The following KDM2A variants were observed in gnomAD, a reference collection of about 807,000 sequenced individuals.
KDM2A encodes the protein lysine demethylase 2A.
Under a neutral mutation model 137.3 loss-of-function variants are expected in KDM2A, and 3 were observed. The observed-to-expected ratio is 0.02, with a 90% CI of 0.01 to 0.06. The LOEUF is 0.06. Ranked by LOEUF, KDM2A falls within the 10% of genes least tolerant of loss-of-function variation. The pLI is 1.00. For synonymous variants in KDM2A, 512 were observed against 541.5 expected, an observed-to-expected ratio of 0.95 and a Z score of 0.76; for missense variants, 738 against 1,510.6, an observed-to-expected ratio of 0.49 and a Z score of 8.48.
chr11:67,225,764 T>G (rs919085091), intron 10 of KDM2A, among the ~76,000 whole-genome samples: 3 of 150,100 alleles, frequency 2.0e-5, no homozygotes, highest in African/African-American at 4.9e-5. Context: ...CACAAAACTC[T>G]GTCTCTAAAT....
chr11:67,199,996 G>GC (rs1857577826), intron 5 of KDM2A, among the ~76,000 whole-genome samples: 1 of 152,114 alleles, frequency 6.6e-6, no homozygotes, highest in South Asian at 2.1e-4. Flanking sequence ...AAATCCTAGG[G>GC]CCCTTAAGAA....
intron 2 of KDM2A, among the ~76,000 whole-genome samples, chr11:67,144,022 A>G (rs1426067051): frequency 6.6e-6 from 1 of 150,604 alleles, no homozygotes; most frequent in Non-Finnish European, 1.5e-5. Context: ...GCTCACTGCA[A>G]CCTCCACCTC....
At chr11:67,175,891 CTT>C (rs1856965705) in intron 2 of KDM2A, among the ~76,000 whole-genome samples, 2 of 152,160 alleles carry the variant, frequency 1.3e-5, no homozygotes, top group Non-Finnish European at 2.9e-5. Context: ...TGGAACTCAT[CTT>C]TTCTAGTTCT....
chr11:67,241,992 A>G (rs1169090643), intron 12 of KDM2A, among the ~76,000 whole-genome samples: 2 of 152,108 alleles, frequency 1.3e-5, no homozygotes, highest in African/African-American at 4.8e-5. Flanking sequence ...TAGCTTGAAC[A>G]CGGGAGGCGA....
intron 2 of KDM2A, among the ~76,000 whole-genome samples, chr11:67,176,152 A>G (rs1856970220): frequency 6.6e-6 from 1 of 152,234 alleles, no homozygotes; most frequent in Admixed American, 6.5e-5. Flanking sequence ...TTTACTAAAT[A>G]TGGAAAAGAT....
At chr11:67,234,073 T>C (rs780141861) in intron 12 of KDM2A, among the ~76,000 whole-genome samples, 1 of 152,236 alleles carries the variant, frequency 6.6e-6, no homozygotes, top group East Asian at 1.9e-4. Context: ...ACAACAGATT[T>C]AGATTCCAGC....
chr11:67,128,402 G>C (rs1297329381), intron 2 of KDM2A, among the ~76,000 whole-genome samples: 1 of 151,536 alleles, frequency 6.6e-6, no homozygotes, highest in African/African-American at 2.4e-5. Flanking sequence ...TTTCTAGTAT[G>C]AAAGTATAAT....
At chr11:67,252,580 T>G in intron 17 of KDM2A, 114 bp from the exon 18 acceptor site, 1 of 1,168,170 alleles carries the variant, frequency 8.6e-7, no homozygotes, top group Non-Finnish European at 1.3e-6. Context: ...CCTGTACACT[T>G]GTAGAAGAAC....
At chr11:67,209,579 G>T (rs1195887111) in intron 6 of KDM2A, among the ~76,000 whole-genome samples, 1 of 151,760 alleles carries the variant, frequency 6.6e-6, no homozygotes, top group Non-Finnish European at 1.5e-5. Flanking sequence ...AAATAGCTGG[G>T]ATTACAGGGA....
At chr11:67,157,337 A>AC (rs1290858943) in intron 2 of KDM2A, among the ~76,000 whole-genome samples, 8 of 151,286 alleles carry the variant, frequency 5.3e-5, no homozygotes, top group Non-Finnish European at 1.0e-4. Context: ...AAAAACAAAA[A>AC]ACACCACACA....
intron 2 of KDM2A, among the ~76,000 whole-genome samples, chr11:67,156,065 T>C (rs1388979985): frequency 2.9e-5 from 4 of 137,776 alleles, no homozygotes; most frequent in East Asian, 2.4e-4. Flanking sequence ...GCCTGACCAA[T>C]GTGGAGAAAC....
chr11:67,218,655 AG>A (rs1212140945), intron 9 of KDM2A, among the ~76,000 whole-genome samples: 3 of 151,930 alleles, frequency 2.0e-5, no homozygotes, highest in African/African-American at 7.3e-5. Flanking sequence ...CTCAGGCTGG[AG>A]TGCAGTAGCG....
At chr11:67,135,813 T>C (rs1464683464) in intron 2 of KDM2A, among the ~76,000 whole-genome samples, 1 of 152,226 alleles carries the variant, frequency 6.6e-6, no homozygotes, top group African/African-American at 2.4e-5. Flanking sequence ...ATCCCAAAAG[T>C]TGCCATTCAC....
chr11:67,236,129 T>C (rs769507496), intron 12 of KDM2A, among the ~76,000 whole-genome samples: 25 of 151,848 alleles, frequency 1.6e-4, no homozygotes, highest in Non-Finnish European at 3.2e-4. Flanking sequence ...CTGGAAGAAT[T>C]TGTGGTTTTT....
intron 2 of KDM2A, among the ~76,000 whole-genome samples, chr11:67,168,745 A>G (rs1331453308): frequency 6.6e-6 from 1 of 152,020 alleles, no homozygotes; most frequent in East Asian, 1.9e-4. Context: ...GGTTTTCAAA[A>G]GGTTGCAAAG....
intron 2 of KDM2A, among the ~76,000 whole-genome samples, chr11:67,174,765 T>G (rs1449868142): frequency 6.6e-6 from 1 of 152,216 alleles, no homozygotes; most frequent in Non-Finnish European, 1.5e-5. Flanking sequence ...GCTATATTAT[T>G]TGGTCATCTA....
chr11:67,193,118 T>C (rs1289955986), intron 5 of KDM2A, among the ~76,000 whole-genome samples: 1 of 152,116 alleles, frequency 6.6e-6, no homozygotes, highest in Non-Finnish European at 1.5e-5. Context: ...GCCTCCTGAG[T>C]AGCTGGAATT....
Position 67,245,085 on chromosome 11 carries a change from A to G in KDM2A, c.1564-104A>G. The G allele has an allele frequency of 1.5e-6, 2 of 1,309,890 alleles. No individual in the cohort carries two copies. Among genetic ancestry groups the G allele is most frequent in the Non-Finnish European group, 2.1e-6 (2 of 943,826 alleles). The allele number at this position is 1,309,890 out of a possible 1,614,324, so 81.1% of individuals were successfully genotyped here. On this transcript the variant is annotated intron_variant, in intron 13 of 20. Transcript: ENST00000529006. This position sits in a 1 kb window ranked among gnomAD's most constrained non-coding sequence, Gnocchi z 4.1. ...AAACAAGCAGTGGGCAGATCTGGCC[A>G]TAGTGGGCCAAGCCCCAGGCTAGGT...
Position 67,231,555 on chromosome 11 carries a change from C to T in KDM2A, c.1085-11C>T, listed in dbSNP as rs576784644. On this transcript the variant is annotated splice_polypyrimidine_tract_variant and intron_variant, in intron 11 of 20. Transcript: ENST00000529006. ...AAATGTTCTTACTGCATTTTTTCTT[C>T]ATATTGGTAGATTTGGAGTTAAATG... 7.3e-5 allele frequency: 115 copies of T among 1,567,766 alleles called. No individual in the cohort carries two copies. The South Asian group carries it at 1.2e-3, about 16-fold the overall frequency.
Sources: allele counts gnomAD v4.1 joint callset (sites outside exome capture counted in the v4.1 genomes callset), GRCh38; gene constraint gnomAD v4.1.1; non-coding constraint Gnocchi (gnomAD v3.1); transcripts MANE v1.5; gene names NCBI Gene and HGNC (gene_info 2026-07-23, HGNC 2026-07-21).